Variants in SLC26A11 observed in about 807,000 individuals in gnomAD.
SLC26A11 encodes sodium-independent sulfate anion transporter.
Under a neutral mutation model 62.2 loss-of-function variants are expected in SLC26A11, and 58 were observed. The observed-to-expected ratio is 0.93, with a 90% CI of 0.76 to 1.16. SLC26A11 has a LOEUF of 1.16. SLC26A11 is among the 50% of genes most tolerant of loss of function. The pLI, the probability that SLC26A11 is intolerant of heterozygous loss-of-function variation, is 0.00. For missense variants in SLC26A11, 790 were observed against 794.3 expected (o/e 0.99, Z 0.06); for synonymous variants, 411 against 368.9 (o/e 1.11, Z -1.31).
intron 6 of SLC26A11, among the ~76,000 whole-genome samples, chr17:80,226,348 G>A (rs1490240131): frequency 6.6e-6 from 1 of 152,106 alleles, no homozygotes; most frequent in African/African-American, 2.4e-5. Flanking sequence ...GTGCAGGGAC[G>A]GCAGGTGGAG....
intron 7 of SLC26A11, among the ~76,000 whole-genome samples, chr17:80,236,455 G>A (rs1337655938): frequency 6.6e-6 from 1 of 152,226 alleles, no homozygotes; most frequent in Non-Finnish European, 1.5e-5. Context: ...GTAGGCAGCC[G>A]GCGGGGCAGT....
rs1598780750 is a variant in SLC26A11 at position 80,221,794 on chromosome 17, G to A, written c.234G>A (p.Gln78=). The A allele has an allele frequency of 6.2e-7, 1 of 1,608,408 alleles. No individual in the cohort carries two copies. The change falls in exon 3 of 18, where the codon CAG becomes CAA. Residue 78 remains glutamine, a splice_region_variant and synonymous_variant. Coordinates refer to ENST00000361193, the MANE Select transcript of SLC26A11 (RefSeq NM_001166347.2). ...CTGAAGTGGCTGGACTCCCGCCCCA[G>A]GTGAGGCGTCTGACCCTGCTGCCAG... ...AYAEVAGLPP[Q]YGLYSAFMGC... is the part of the protein sequence containing the mutation.
intron 7 of SLC26A11, among the ~76,000 whole-genome samples, chr17:80,230,710 G>A (rs1023947492): frequency 1.3e-5 from 2 of 152,142 alleles, no homozygotes; most frequent in African/African-American, 4.8e-5. Context: ...CTTTTAAGAT[G>A]TCTAGACATC....
intron 16 of SLC26A11, among the ~76,000 whole-genome samples, chr17:80,251,070 T>C (rs1247257545): frequency 6.6e-6 from 1 of 151,686 alleles, no homozygotes; most frequent in Admixed American, 6.6e-5. Flanking sequence ...AGGTTGAGGC[T>C]GCAGTGAGCC....
intron 17 of SLC26A11, among the ~76,000 whole-genome samples, chr17:80,251,982 A>T (rs1201252940): frequency 2.6e-5 from 4 of 152,160 alleles, no homozygotes; most frequent in African/African-American, 4.8e-5. Context: ...CCGAAAGTCC[A>T]CATCCCGGGG....
chr17:80,239,021 C>G (rs2042782545), intron 9 of SLC26A11, among the ~76,000 whole-genome samples: 1 of 151,096 alleles, frequency 6.6e-6, no homozygotes. Context: ...GAGACAGGGT[C>G]TCACTATGTT....
chr17:80,231,853 T>G (rs1303189307), intron 7 of SLC26A11, among the ~76,000 whole-genome samples: 1 of 152,240 alleles, frequency 6.6e-6, no homozygotes, highest in East Asian at 1.9e-4. Flanking sequence ...ATTATGGCCC[T>G]GAATATGGTC....
At position 80,252,908 on chromosome 17, in the gene SLC26A11, T is replaced by G. The variant is rs1189612888; in HGVS notation, c.*192T>G. On this transcript the variant is annotated 3_prime_UTR_variant, in exon 18 of 18. Transcript: ENST00000361193. This position sits in a 1 kb window ranked among gnomAD's most constrained non-coding sequence, Gnocchi z 5.2. ...GGGAGTGGGGCTCACTGGCTTCCTG[T>G]GGGATGACTGGAAAATGACCTCGCT... 4 of 546,108 alleles carry G rather than the reference T, an allele frequency of 7.3e-6. No individual in the cohort carries two copies. Among genetic ancestry groups the G allele is most frequent in the Non-Finnish European group, 1.3e-5 (4 of 306,480 alleles). 33.8% of individuals were successfully genotyped at this position (546,108 alleles called of 1,614,324 possible).
chr17:80,240,184 A>G (rs1170480719), intron 9 of SLC26A11, among the ~76,000 whole-genome samples: 3 of 151,934 alleles, frequency 2.0e-5, no homozygotes, highest in Non-Finnish European at 4.4e-5. Context: ...TGGCTAACAC[A>G]GTGAAACCCC....
chr17:80,222,863 C>G lies in SLC26A11; in HGVS notation c.427+16C>G. The G allele has an allele frequency of 3.7e-6, 6 of 1,612,202 alleles. No individual in the cohort carries two copies. Among genetic ancestry groups the G allele is most frequent in the Non-Finnish European group, 5.1e-6 (6 of 1,178,848 alleles). On this transcript the variant is annotated intron_variant, in intron 4 of 17. Transcript: ENST00000361193. This position sits in a 1 kb window ranked among gnomAD's most constrained non-coding sequence, Gnocchi z 4.7. The stretch of plus-strand genomic sequence containing the variant: ...CTGCGTTTGGGTGAGGCTCTACCTT[C>G]TTGCCAAGGGGATGCCCTCGACCTC...
chr17:80,248,568 C>A lies in SLC26A11; in HGVS notation c.1423-7C>A. 1 of 1,572,002 alleles carries A rather than the reference C, an allele frequency of 6.4e-7. No individual in the cohort carries two copies. Among genetic ancestry groups the A allele is most frequent in the East Asian group, 2.4e-5 (1 of 42,392 alleles). On this transcript the variant is annotated splice_polypyrimidine_tract_variant and splice_region_variant and intron_variant, in intron 14 of 17. Transcript: ENST00000361193. ...GACCCGCCTCCAGGACTCACTCCTC[C>A]CCACAGGTGTCAGAGGGGCCGGTTC...
intron 13 of SLC26A11, among the ~76,000 whole-genome samples, chr17:80,247,186 A>G (rs929181676): frequency 1.2e-4 from 19 of 152,044 alleles, no homozygotes; most frequent in African/African-American, 3.9e-4. Context: ...CAGGATCCCA[A>G]GGCAGAGGAA....
At chr17:80,241,183 A>G (rs1195898446) in intron 9 of SLC26A11, among the ~76,000 whole-genome samples, 1 of 152,244 alleles carries the variant, frequency 6.6e-6, no homozygotes, top group African/African-American at 2.4e-5. Context: ...AGAAAATGTC[A>G]AGAGTGCAGA....
chr17:80,236,716 GTCCGCA>G (rs2042703082), intron 7 of SLC26A11: 1 of 546,816 alleles, frequency 1.8e-6, no homozygotes, highest in African/African-American at 1.9e-5. Flanking sequence ...ATGTGCACCT[GTCCGCA>G]GCCTGCAGCT....
chr17:80,249,425 T>G, intron 16 of SLC26A11, 138 bp downstream of exon 16: 4 of 1,222,796 alleles, frequency 3.3e-6, no homozygotes, highest in Non-Finnish European at 4.5e-6. Context: ...GCTTCTGATT[T>G]AAACAGTTCT....
At chr17:80,234,504 G>C (rs1008749961) in intron 7 of SLC26A11, among the ~76,000 whole-genome samples, 1 of 151,818 alleles carries the variant, frequency 6.6e-6, no homozygotes, top group African/African-American at 2.4e-5. Context: ...CTGTGTTTAT[G>C]CTTGTGATTC....
Position 80,237,549 on chromosome 17 carries a change from C to A in SLC26A11, c.940C>A (p.Pro314Thr), listed in dbSNP as rs778809642. 56 of 1,611,726 alleles carry A rather than the reference C, an allele frequency of 3.5e-5. No individual in the cohort carries two copies. The highest frequency in any genetic ancestry group is 4.4e-5 in the Non-Finnish European group (52 of 1,179,218). The stretch of plus-strand genomic sequence containing the variant: ...CATGGGAGCCGGGCTGGCCGTGGTG[C>A]CCCTGATGGGCCTCCTGGAGAGCAT... The part of the protein sequence containing the change: ...QDMGAGLAVV[P>T]LMGLLESIAV... The change falls in exon 9 of 18, where the codon CCC (proline) becomes ACC (threonine). Residue 314 changes from proline (P) to threonine (T), a missense_variant. Pro to Thr is a conservative substitution (Grantham distance 38). Coordinates refer to ENST00000361193, the MANE Select transcript of SLC26A11 (RefSeq NM_001166347.2).
At position 80,246,364 on chromosome 17, in the gene SLC26A11, G is replaced by T; in HGVS notation, c.1154-145G>T. 7.1e-7 allele frequency: 1 copy of T among 1,415,948 alleles called. No homozygotes were observed. Among genetic ancestry groups the T allele is most frequent in the Non-Finnish European group, 9.5e-7 (1 of 1,048,832 alleles). 87.7% of individuals were successfully genotyped at this position (1,415,948 alleles called of 1,614,324 possible). On this transcript the variant is annotated intron_variant, in intron 12 of 17. Coordinates refer to ENST00000361193, the MANE Select transcript of SLC26A11 (RefSeq NM_001166347.2). The surrounding 1 kb of genome is among the most constrained non-coding windows in gnomAD (Gnocchi z 4.4). ...ACACAGGAGTAGGGGGACCACAGGA[G>T]ACTGAGCAGGGGCTGGGGGCCTTGG...
At chr17:80,233,597 T>TTTTTA (rs1555627989) in intron 7 of SLC26A11, among the ~76,000 whole-genome samples, 11 of 151,592 alleles carry the variant, frequency 7.3e-5, no homozygotes, top group African/African-American at 2.7e-4. Context: ...TTTTTTTTTT[T>TTTTTA]ATTTGACAGG....
Sources: gnomAD v4.1 joint callset for allele counts (sites outside exome capture counted in the v4.1 genomes callset) on GRCh38, gnomAD v4.1.1 for gene constraint, Gnocchi (gnomAD v3.1) non-coding constraint, MANE v1.5 for transcripts, NCBI Gene and HGNC (gene_info 2026-07-23, HGNC 2026-07-21) for gene names.